The following RAB38 variants were observed in gnomAD, a reference collection of about 807,000 sequenced individuals.
RAB38 encodes ras-related protein Rab-38.
In RAB38, 15 loss-of-function variants were observed where a neutral mutation model predicts 18.4. That is an observed-to-expected ratio of 0.82 (90% CI 0.55 to 1.26). The LOEUF (loss-of-function observed/expected upper bound fraction) is 1.26, where lower values mean the gene tolerates loss of function less well. Ranked by LOEUF, RAB38 falls within the 50% of genes most tolerant of loss-of-function variation. RAB38 has a pLI of 0.00. For missense variants in RAB38, 294 were observed against 267.4 expected, an observed-to-expected ratio of 1.10 and a Z score of -0.69; for synonymous variants, 101 against 104.4, an observed-to-expected ratio of 0.97 and a Z score of 0.20.
chr11:87,976,496 A>T, the RAB38 span, among the ~76,000 whole-genome samples: 4 of 99,072 alleles, frequency 4.0e-5, no homozygotes, highest in African/African-American at 1.2e-4. Context: ...TTATATATTT[A>T]TATATTTGTA....
At chr11:88,054,657 A>G in the RAB38 span, among the ~76,000 whole-genome samples, 2 of 152,254 alleles carry the variant, frequency 1.3e-5, no homozygotes, top group Non-Finnish European at 2.9e-5. Context: ...AGTAATGGAA[A>G]GATATACAAG....
chr11:87,838,835 A>G, the RAB38 span, among the ~76,000 whole-genome samples: 2 of 152,216 alleles, frequency 1.3e-5, no homozygotes, highest in East Asian at 1.9e-4. Context: ...AATGCTTACT[A>G]TGTGCTGACA....
chr11:87,815,292 A>T, the RAB38 span: 2 of 152,188 alleles, frequency 1.3e-5, no homozygotes, highest in Non-Finnish European at 2.9e-5. Flanking sequence ...AAGGGCTAGT[A>T]TACCTCCTAG....
chr11:88,061,952 T>G, the RAB38 span: 1 of 152,208 alleles, frequency 6.6e-6, no homozygotes, highest in African/African-American at 2.4e-5. Flanking sequence ...ATTTTGCTGT[T>G]CAAGAATTTT....
chr11:87,903,622 G>A, the RAB38 span, among the ~76,000 whole-genome samples: 11 of 151,334 alleles, frequency 7.3e-5, no homozygotes, highest in South Asian at 2.3e-3. Context: ...GAAATATTTT[G>A]TGTAAGCTTA....
the RAB38 span, among the ~76,000 whole-genome samples, chr11:87,839,616 T>C: frequency 6.6e-6 from 1 of 152,168 alleles, no homozygotes; most frequent in African/African-American, 2.4e-5. Flanking sequence ...GAAAAAACCA[T>C]CTATATTACA....
the RAB38 span, among the ~76,000 whole-genome samples, chr11:87,911,598 C>T: frequency 6.6e-6 from 1 of 151,896 alleles, no homozygotes; most frequent in Non-Finnish European, 1.5e-5. Flanking sequence ...GATTTTTATA[C>T]ATAAATTATA....
the RAB38 span, among the ~76,000 whole-genome samples, chr11:87,940,559 T>TACAC: frequency 6.6e-6 from 1 of 151,732 alleles, no homozygotes; most frequent in Non-Finnish European, 1.5e-5. Context: ...AAGGGTTTTA[T>TACAC]ACACACACAC....
chr11:88,135,762 G>T (rs1942828319), intron 2 of RAB38, among the ~76,000 whole-genome samples: 1 of 152,180 alleles, frequency 6.6e-6, no homozygotes, highest in African/African-American at 2.4e-5. Flanking sequence ...ACCATAACGA[G>T]CCTTTTGCGA....
At chr11:87,860,811 C>G in the RAB38 span, among the ~76,000 whole-genome samples, 43 of 151,796 alleles carry the variant, frequency 2.8e-4, no homozygotes, top group African/African-American at 1.0e-3. Flanking sequence ...TTTTACAAGT[C>G]AGAGCTGTTT....
the RAB38 span, among the ~76,000 whole-genome samples, chr11:87,850,719 CACACACACACACACACACACACACACAT>C: frequency 8.5e-6 from 1 of 118,266 alleles, no homozygotes; most frequent in Non-Finnish European, 1.7e-5. Context: ...CACTGCCACA[CACACACACACACACACACACACACACAT>C]ACACACACAC....
chr11:87,930,682 G>T, the RAB38 span, among the ~76,000 whole-genome samples: 1 of 152,070 alleles, frequency 6.6e-6, no homozygotes, highest in African/African-American at 2.4e-5. Flanking sequence ...TTTCTTCTAG[G>T]GTTTTAATGG....
the RAB38 span, among the ~76,000 whole-genome samples, chr11:88,024,960 G>A: frequency 2.0e-5 from 3 of 151,966 alleles, no homozygotes; most frequent in East Asian, 1.9e-4. Context: ...ACAGCACAAC[G>A]GAGAGACTAG....
the RAB38 span, among the ~76,000 whole-genome samples, chr11:87,944,889 G>C: frequency 1.3e-5 from 2 of 152,126 alleles, no homozygotes; most frequent in Non-Finnish European, 2.9e-5. Context: ...GAGCAGAACA[G>C]AGAGGTAGAA....
At chr11:88,030,325 A>G in the RAB38 span, among the ~76,000 whole-genome samples, 1 of 152,214 alleles carries the variant, frequency 6.6e-6, no homozygotes, top group Admixed American at 6.5e-5. Context: ...AGAACTAGAA[A>G]AGCAAGAGCA....
At chr11:87,894,937 T>C in the RAB38 span, among the ~76,000 whole-genome samples, 1 of 151,600 alleles carries the variant, frequency 6.6e-6, no homozygotes, top group Non-Finnish European at 1.5e-5. Flanking sequence ...GTAGCTCTGA[T>C]TACAGCTGAG....
At chr11:87,905,841 T>C in the RAB38 span, among the ~76,000 whole-genome samples, 3 of 152,088 alleles carry the variant, frequency 2.0e-5, no homozygotes, top group East Asian at 5.8e-4. Flanking sequence ...CAGTTATTGA[T>C]TCTCTTGTAC....
chr11:88,056,832 A>C, the RAB38 span, among the ~76,000 whole-genome samples: 264 of 45,534 alleles, frequency 5.8e-3, no homozygotes, highest in Middle Eastern at 0.047. Flanking sequence ...TAAATAAATA[A>C]ATACATACAT....
the RAB38 span, among the ~76,000 whole-genome samples, chr11:88,084,872 A>T: frequency 2.5e-3 from 375 of 151,980 alleles, 2 homozygotes; most frequent in African/African-American, 8.8e-3. Flanking sequence ...TTGCTGAATA[A>T]AGTATTAGAT....
Sources: allele counts gnomAD v4.1 joint callset (sites outside exome capture counted in the v4.1 genomes callset), GRCh38; gene constraint gnomAD v4.1.1; transcripts MANE v1.5; gene names NCBI Gene and HGNC (gene_info 2026-07-23, HGNC 2026-07-21).